The following SRFBP1 variants were observed in gnomAD, a reference collection of about 807,000 sequenced individuals.
The protein encoded by SRFBP1 is serum response factor binding protein 1, also known as serum response factor-binding protein 1.
A neutral mutation model predicts 45.5 loss-of-function variants in SRFBP1; 47 were observed. The ratio of observed to expected loss-of-function variants is 1.03; its 90% CI spans 0.82 to 1.32. The LOEUF (loss-of-function observed/expected upper bound fraction) is 1.32, where lower values mean the gene tolerates loss of function less well. SRFBP1 is among the 40% of genes most tolerant of loss of function. The pLI is 0.00. For missense variants in SRFBP1, 621 were observed against 484.6 expected (o/e 1.28, Z -2.64); for synonymous variants, 203 against 166.3 (o/e 1.22, Z -1.70).
At chr5:122,070,820 AG>A in intron 2 of SRFBP1, 4 of 321,784 alleles carry the variant, frequency 1.2e-5, no homozygotes, top group Non-Finnish European at 2.2e-5. Context: ...ACTTCTTAAA[AG>A]TGTCATATAT....
chr5:122,074,830 A>C (rs1053917149), intron 2 of SRFBP1, among the ~76,000 whole-genome samples: 2 of 152,218 alleles, frequency 1.3e-5, no homozygotes, highest in African/African-American at 4.8e-5. Flanking sequence ...AAGTAAGTTT[A>C]AGGCCACACA....
chr5:122,050,532 A>G (rs1305727651), intron 2 of SRFBP1, among the ~76,000 whole-genome samples: 2 of 151,986 alleles, frequency 1.3e-5, no homozygotes, highest in East Asian at 3.9e-4. Flanking sequence ...GGTGCATAGA[A>G]GTGTTCATAG....
At chr5:122,068,583 G>A (rs1331471352) in intron 2 of SRFBP1, among the ~76,000 whole-genome samples, 1 of 152,118 alleles carries the variant, frequency 6.6e-6, no homozygotes, top group Admixed American at 6.6e-5. Context: ...AGGCTGCAAG[G>A]TGGCAGACCT....
chr5:122,037,104 A>T (rs1005130937), intron 2 of SRFBP1, among the ~76,000 whole-genome samples: 1 of 151,880 alleles, frequency 6.6e-6, no homozygotes, highest in Admixed American at 6.6e-5. Context: ...CTCTATATTG[A>T]TCAGGCTGGT....
Position 121,967,566 on chromosome 5 carries a change from C to T in SRFBP1, c.36+5498C>T, listed in dbSNP as rs78785671. 5.1e-3 allele frequency among the ~76,000 whole-genome samples: 769 copies of T among 152,226 alleles called. 10 individuals carry two copies. Among genetic ancestry groups the T allele is most frequent in the African/African-American group, 0.017 (726 of 41,542 alleles). ...AAAATAATTTTGGCCAGGTGCAGTG[C>T]CTCACTCTATAATCCCAGCACTTTG... On this transcript the variant is annotated intron_variant, in intron 1 of 7. Coordinates refer to ENST00000339397, the MANE Select transcript of SRFBP1 (RefSeq NM_152546.3).
downstream of SRFBP1, chr5:122,077,656 A>T: frequency 1.2e-6 from 2 of 1,607,800 alleles, no homozygotes; most frequent in Non-Finnish European, 1.7e-6. This position sits in a 1 kb window ranked among gnomAD's most constrained non-coding sequence, Gnocchi z 4.9. Context: ...CGGTGACTCC[A>T]GATGAGCCGG....
rs141894262 is a variant in SRFBP1 at position 122,016,679 on chromosome 5, T to C, written c.271-2581T>C. Among the ~76,000 whole-genome samples the C allele has an allele frequency of 4.0e-3, 604 of 152,308 alleles. 1 individual carries two copies. The highest frequency in any genetic ancestry group is 7.9e-3 in the Admixed American group (121 of 15,296). On this transcript the variant is annotated intron_variant, in intron 4 of 7. Transcript: ENST00000339397. ...CCTATGCCTTCAGCAGCTCAGCTTG[T>C]CACTAAGTGACTCAGGATACTAGCA...
chr5:122,034,651 A>G (rs1257373475), intron 2 of SRFBP1, among the ~76,000 whole-genome samples: 1 of 152,088 alleles, frequency 6.6e-6, no homozygotes, highest in Non-Finnish European at 1.5e-5. Flanking sequence ...TATTATTATT[A>G]TACCCTGTTC....
chr5:122,027,408 T>G lies in SRFBP1; in HGVS notation c.*282T>G, dbSNP rs993956519. On this transcript the variant is annotated 3_prime_UTR_variant, in exon 8 of 8. Transcript: ENST00000339397. ...GGGGAGAATTATAGAATGTTTGTTT[T>G]TGTATTTTTTTTTAAAGTAAATTCA... 1 of 198,812 alleles carries G rather than the reference T, an allele frequency of 5.0e-6. No homozygotes were observed. Among genetic ancestry groups the G allele is most frequent in the Admixed American group, 5.9e-5 (1 of 16,970 alleles). 12.3% of individuals were successfully genotyped at this position (198,812 alleles called of 1,614,324 possible).
rs942144471 is a variant in SRFBP1, at chr5:122,022,148, G to A, written c.1068-222G>A. ...CAGAATTCTCTTTAAAGGTGGTGAGGGAAATAGGTCCTCATGTGTCTGTAG... is the reference window on the plus strand; with the variant it reads ...CAGAATTCTCTTTAAAGGTGGTGAGAGAAATAGGTCCTCATGTGTCTGTAG... On this transcript the variant is annotated intron_variant, in intron 6 of 7. Transcript: ENST00000339397. Among the ~76,000 whole-genome samples the A allele has an allele frequency of 2.6e-5, 4 of 152,082 alleles. No individual in the cohort carries two copies. In the South Asian group the frequency reaches 8.3e-4, roughly 31 times the overall value.
At chr5:122,066,777 A>G (rs1000495294) in intron 2 of SRFBP1, 3 of 1,454,114 alleles carry the variant, frequency 2.1e-6, no homozygotes, top group African/African-American at 1.4e-5. Context: ...AATAAGACAA[A>G]TTATTAACCT....
chr5:122,058,998 C>G (rs1165261092), intron 2 of SRFBP1, among the ~76,000 whole-genome samples: 1 of 152,164 alleles, frequency 6.6e-6, no homozygotes, highest in Non-Finnish European at 1.5e-5. Flanking sequence ...TTAAAGCGTT[C>G]CCACTGGCTT....
intron 1 of SRFBP1, 71 bp downstream of exon 1, chr5:121,962,139 G>A: frequency 6.3e-7 from 1 of 1,590,872 alleles, no homozygotes; most frequent in Non-Finnish European, 8.6e-7. Context: ...ACGCGTGGTC[G>A]GAGGCGGGCA....
intron 6 of SRFBP1, among the ~76,000 whole-genome samples, chr5:122,021,582 T>C (rs1015294677): frequency 6.6e-6 from 1 of 152,078 alleles, no homozygotes; most frequent in Admixed American, 6.6e-5. Context: ...TATTTACTTA[T>C]ATTTTCCAAA....
chr5:122,044,212 T>C (rs1753814933), intron 2 of SRFBP1, among the ~76,000 whole-genome samples: 1 of 152,200 alleles, frequency 6.6e-6, no homozygotes, highest in Non-Finnish European at 1.5e-5. Flanking sequence ...TGGCATCATA[T>C]GGGGCATATG....
chr5:121,994,108 T>C (rs1369718760), intron 3 of SRFBP1, among the ~76,000 whole-genome samples: 1 of 152,030 alleles, frequency 6.6e-6, no homozygotes, highest in African/African-American at 2.4e-5. Flanking sequence ...TGTGTCAGAG[T>C]CTTGAGCTAA....
At chr5:121,969,719 C>G (rs1752148856) in intron 1 of SRFBP1, among the ~76,000 whole-genome samples, 1 of 152,000 alleles carries the variant, frequency 6.6e-6, no homozygotes, top group Admixed American at 6.6e-5. Flanking sequence ...TATAGATTGT[C>G]TTAAATGCAT....
intron 4 of SRFBP1, among the ~76,000 whole-genome samples, chr5:122,007,821 G>A (rs1753009623): frequency 6.6e-6 from 1 of 152,234 alleles, no homozygotes; most frequent in East Asian, 1.9e-4. Flanking sequence ...TGGTGTTTGT[G>A]TCCAAGGGTG....
chr5:122,027,901 T>A lies in SRFBP1; in HGVS notation c.*775T>A, dbSNP rs1040560874. The A allele has an allele frequency of 6.6e-6, 1 of 152,188 alleles. No homozygotes were observed. The highest frequency in any genetic ancestry group is 2.4e-5 in the African/African-American group (1 of 41,450). 9.4% of individuals were successfully genotyped at this position (152,188 alleles called of 1,614,324 possible). Reference sequence around the variant, plus strand: ...ATAATTTGTTTTATGTTTCACTGCATATAAATATTTCCATTAAATCAAGAA... The same window carrying A: ...ATAATTTGTTTTATGTTTCACTGCAAATAAATATTTCCATTAAATCAAGAA... On this transcript the variant is annotated 3_prime_UTR_variant, in exon 8 of 8. Transcript: ENST00000339397.
Sources: allele counts gnomAD v4.1 joint callset (sites outside exome capture counted in the v4.1 genomes callset), GRCh38; gene constraint gnomAD v4.1.1; non-coding constraint Gnocchi (gnomAD v3.1); transcripts MANE v1.5; gene names NCBI Gene and HGNC (gene_info 2026-07-23, HGNC 2026-07-21).